The following ZER1 variants were observed in gnomAD, a reference collection of about 807,000 sequenced individuals.
ZER1 encodes the protein zyg-11 related cell cycle regulator, also known as protein zer-1 homolog.
Under a neutral mutation model 78.8 loss-of-function variants are expected in ZER1, and 11 were observed. The observed-to-expected ratio is 0.14, with a 90% CI of 0.09 to 0.23. The LOEUF (loss-of-function observed/expected upper bound fraction) is 0.23, where lower values mean the gene tolerates loss of function less well. Ranked by LOEUF, ZER1 falls within the 10% of genes least tolerant of loss-of-function variation. The pLI is 1.00. For missense variants in ZER1, 588 were observed against 996.9 expected, an observed-to-expected ratio of 0.59 and a Z score of 5.52; for synonymous variants, 400 against 407.0, an observed-to-expected ratio of 0.98 and a Z score of 0.21.
chr9:128,771,011 A>G (rs1864366228), intron 1 of ZER1, among the ~76,000 whole-genome samples: 1 of 152,190 alleles, frequency 6.6e-6, no homozygotes, highest in South Asian at 2.1e-4. Flanking sequence ...CTCTATTTAA[A>G]GAAAAACAAA....
chr9:128,764,875 T>C (rs748505367), intron 1 of ZER1, among the ~76,000 whole-genome samples: 5 of 152,162 alleles, frequency 3.3e-5, no homozygotes, highest in Non-Finnish European at 5.9e-5. Flanking sequence ...TTTTCTTGCA[T>C]GTTCTCTAAT....
At chr9:128,742,771 G>A (rs1282604677) in intron 8 of ZER1, 26 bp from the exon 9 acceptor site, 2 of 1,574,648 alleles carry the variant, frequency 1.3e-6, no homozygotes, top group African/African-American at 2.7e-5. Context: ...ACACAAGTGG[G>A]GCACATTCAG....
chr9:128,759,794 C>CA (rs1000089370), intron 1 of ZER1, among the ~76,000 whole-genome samples: 20 of 149,968 alleles, frequency 1.3e-4, no homozygotes, highest in African/African-American at 4.2e-4. Flanking sequence ...GACTCCGTCT[C>CA]AAAAAAAAAG....
At position 128,751,305 on chromosome 9, in the gene ZER1, G is replaced by C. The variant is rs755356055; in HGVS notation, c.1039-37C>G. On this transcript the variant is annotated intron_variant, in intron 6 of 15. Transcript: ENST00000291900. This position sits in a 1 kb window ranked among gnomAD's most constrained non-coding sequence, Gnocchi z 5.4. ...ACACGCTCAGAACAACCCAGCAGAG[G>C]CCAAGGGCTGGGATGCCAGATCCCA... 1.8e-5 allele frequency: 29 copies of C among 1,604,520 alleles called. No individual in the cohort carries two copies. The highest frequency in any genetic ancestry group is 4.0e-5 in the African/African-American group (3 of 74,722).
chr9:128,753,104 C>T lies in ZER1; in HGVS notation c.746+60G>A. 6.9e-7 allele frequency: 1 copy of T among 1,458,654 alleles called. No individual in the cohort carries two copies. Among genetic ancestry groups the T allele is most frequent in the Non-Finnish European group, 9.1e-7 (1 of 1,099,684 alleles). 90.4% of individuals were successfully genotyped at this position (1,458,654 alleles called of 1,614,324 possible). ...CCTGAGGGCGTGACAACACCCACCT[C>T]TACTCCTCCCCACCTGCCCCCCAAA... On this transcript the variant is annotated intron_variant, in intron 4 of 15. Transcript: ENST00000291900. The surrounding 1 kb of genome is among the most constrained non-coding windows in gnomAD (Gnocchi z 7.5).
In ZER1 at chr9:128,771,679, C is replaced by T. The variant is rs1182717476; in HGVS notation, c.-193G>A. The T allele has an allele frequency of 6.6e-6, 1 of 152,268 alleles. No individual in the cohort carries two copies. The highest frequency in any genetic ancestry group is 1.5e-5 in the Non-Finnish European group (1 of 68,132). The allele number at this position is 152,268 out of a possible 1,614,324, so 9.4% of individuals were successfully genotyped here. ...CCCGGGAGAATCCGGGGCCAGAGCACCTCAGGAGGTTGGGGATCTCGTCAG... is the reference window on the plus strand; with the variant it reads ...CCCGGGAGAATCCGGGGCCAGAGCATCTCAGGAGGTTGGGGATCTCGTCAG... On this transcript the variant is annotated 5_prime_UTR_variant, in exon 1 of 16. The change creates a new upstream start codon in the 5' untranslated region. Coordinates refer to ENST00000291900, the MANE Select transcript of ZER1 (RefSeq NM_006336.4).
intron 1 of ZER1, among the ~76,000 whole-genome samples, chr9:128,756,771 T>C (rs1863872842): frequency 6.6e-6 from 1 of 152,150 alleles, no homozygotes; most frequent in African/African-American, 2.4e-5. Flanking sequence ...AGTTTCTTTT[T>C]GGGGTGATGA....
At chr9:128,733,868 G>A (rs1862930833) in intron 14 of ZER1, among the ~76,000 whole-genome samples, 1 of 142,202 alleles carries the variant, frequency 7.0e-6, no homozygotes, top group Non-Finnish European at 1.5e-5. Context: ...GGTGGCTCAC[G>A]CCTGTAATCC....
intron 1 of ZER1, among the ~76,000 whole-genome samples, chr9:128,763,589 T>C (rs1864115401): frequency 1.3e-5 from 2 of 152,198 alleles, no homozygotes; most frequent in South Asian, 4.1e-4. Context: ...TAAGCGCCTG[T>C]CGCGTAACTG....
chr9:128,739,902 C>T (rs376940498), intron 13 of ZER1, 29 bp downstream of exon 13: 32 of 1,590,068 alleles, frequency 2.0e-5, no homozygotes, highest in South Asian at 6.7e-5. Flanking sequence ...TATTCCACAC[C>T]GCATCCCCGC....
In ZER1 at chr9:128,751,048, A is replaced by T; in HGVS notation, c.1185+74T>A. On this transcript the variant is annotated intron_variant, in intron 7 of 15. Transcript: ENST00000291900. The surrounding 1 kb of genome is among the most constrained non-coding windows in gnomAD (Gnocchi z 5.4). ...GTGCAGAAGGACACAGGCTCTGGGG[A>T]CACGGCTCAGCCAAGCCCGGCAACC... The T allele has an allele frequency of 1.3e-6, 2 of 1,516,886 alleles. No homozygotes were observed. Among genetic ancestry groups the T allele is most frequent in the Non-Finnish European group, 1.8e-6 (2 of 1,132,222 alleles). The allele number at this position is 1,516,886 out of a possible 1,614,324, so 94.0% of individuals were successfully genotyped here.
chr9:128,759,982 C>T (rs947228713), intron 1 of ZER1, among the ~76,000 whole-genome samples: 4 of 152,096 alleles, frequency 2.6e-5, no homozygotes, highest in Admixed American at 1.3e-4. Context: ...TGGGCTCAAG[C>T]GATCCTCCCA....
chr9:128,768,916 G>A lies in ZER1; in HGVS notation c.-95+2665C>T, dbSNP rs147509117. 7.7e-3 allele frequency among the ~76,000 whole-genome samples: 1,169 copies of A among 152,036 alleles called. 12 individuals are homozygous for A. The highest frequency in any genetic ancestry group is 0.024 in the Middle Eastern group (7 of 294). The stretch of plus-strand genomic sequence containing the variant: ...AACACCCTCATTTTGCCTATTTTAC[G>A]TGGTAGAATGGAAATTTGCTGGGCT... On this transcript the variant is annotated intron_variant, in intron 1 of 15. Transcript: ENST00000291900.
In ZER1 at chr9:128,740,159, C is replaced by G. The variant is rs879040278; in HGVS notation, c.1854-40G>C. On this transcript the variant is annotated intron_variant, in intron 12 of 15. Coordinates refer to ENST00000291900, the MANE Select transcript of ZER1 (RefSeq NM_006336.4). This position sits in a 1 kb window ranked among gnomAD's most constrained non-coding sequence, Gnocchi z 4.4. ...ACAGAAAAATGGAGTCCCACTCCCCCAGTTTCTCTTCAGATACCAGCGGCA... is the reference window on the plus strand; with the variant it reads ...ACAGAAAAATGGAGTCCCACTCCCCGAGTTTCTCTTCAGATACCAGCGGCA... 1 of 1,548,098 alleles carries G rather than the reference C, an allele frequency of 6.5e-7. No homozygotes were observed. The highest frequency in any genetic ancestry group is 1.2e-5 in the South Asian group (1 of 85,148).
In ZER1 at chr9:128,740,737, C is replaced by T. The variant is rs756537488; in HGVS notation, c.1853+35G>A. 6.4e-6 allele frequency: 5 copies of T among 778,548 alleles called. No individual in the cohort carries two copies. Among genetic ancestry groups the T allele is most frequent in the Non-Finnish European group, 1.2e-5 (5 of 416,756 alleles). The allele number at this position is 778,548 out of a possible 1,614,324, so 48.2% of individuals were successfully genotyped here. A position where few individuals can be genotyped will look rare whatever the true frequency, so the allele number is the denominator to read the frequency against. ...GCTAGAGCTCTGAGCATTGTGGCAG[C>T]TAAGGCAAAAAGGGAAAGGATTAAA... On this transcript the variant is annotated intron_variant, in intron 12 of 15. Coordinates refer to ENST00000291900, the MANE Select transcript of ZER1 (RefSeq NM_006336.4). This position sits in a 1 kb window ranked among gnomAD's most constrained non-coding sequence, Gnocchi z 4.4.
intron 1 of ZER1, among the ~76,000 whole-genome samples, chr9:128,764,864 C>A (rs552629285): frequency 7.9e-5 from 12 of 152,276 alleles, no homozygotes; most frequent in African/African-American, 2.6e-4. Flanking sequence ...TTCTCCATCC[C>A]TTTTCTTGCA....
Position 128,735,365 on chromosome 9 carries a change from G to A in ZER1, c.2109C>T (p.Thr703=). ...GISPVSQHWA[T]WALYNLVSVY... ...CAGACACGAGGTTATACAGGGCCCAGGTTGCCCAGTGCTGGCTGACAGGAG... is the reference window on the plus strand; with the variant it reads ...CAGACACGAGGTTATACAGGGCCCAAGTTGCCCAGTGCTGGCTGACAGGAG... Residue 703 remains threonine (T), a synonymous_variant, in exon 14 of 16, where the codon ACC becomes ACT. Transcript: ENST00000291900. 3.1e-6 allele frequency: 5 copies of A among 1,614,108 alleles called. No homozygotes were observed. In the African/African-American group the frequency reaches 5.3e-5, roughly 17 times the overall value.
intron 8 of ZER1, among the ~76,000 whole-genome samples, chr9:128,748,782 G>C (rs932663460): frequency 6.6e-6 from 1 of 151,536 alleles, no homozygotes; most frequent in South Asian, 2.1e-4. Context: ...ACGTTGGCCA[G>C]GCTGGTCTCG....
At chr9:128,756,317 G>T (rs1401579719) in intron 1 of ZER1, among the ~76,000 whole-genome samples, 2 of 152,140 alleles carry the variant, frequency 1.3e-5, no homozygotes, top group African/African-American at 2.4e-5. Context: ...GTGGTGGCGG[G>T]CGCCTGTAGT....
Sources: allele counts gnomAD v4.1 joint callset (sites outside exome capture counted in the v4.1 genomes callset), GRCh38; gene constraint gnomAD v4.1.1; non-coding constraint Gnocchi (gnomAD v3.1); transcripts MANE v1.5; gene names NCBI Gene and HGNC (gene_info 2026-07-23, HGNC 2026-07-21).